The following A1CF variants were observed in gnomAD, a reference collection of about 807,000 sequenced individuals.
The protein encoded by A1CF is APOBEC-1 stimulating protein.
A1CF carries 48 observed loss-of-function variants against 68.9 expected under a neutral mutation model. The observed-to-expected ratio is 0.70, with a 90% CI of 0.55 to 0.89. A1CF has a LOEUF of 0.89. Among genes scored for constraint, A1CF ranks in the 40% least tolerant of loss-of-function variants. The probability of loss-of-function intolerance (pLI) is 0.00; values close to 1 mark genes in which losing one functional copy is unlikely to be tolerated. For missense variants in A1CF, 653 were observed against 718.9 expected (o/e 0.91, Z 1.05); for synonymous variants, 272 against 260.4 (o/e 1.04, Z -0.43).
chr10:50,879,031 C>T (rs1841651583), intron 1 of A1CF, among the ~76,000 whole-genome samples: 1 of 152,182 alleles, frequency 6.6e-6, no homozygotes, highest in South Asian at 2.1e-4. Flanking sequence ...TCCCACAGGG[C>T]TTTGCCAGGC....
intron 3 of A1CF, among the ~76,000 whole-genome samples, chr10:50,845,895 A>G (rs1029309860): frequency 2.6e-5 from 4 of 151,248 alleles, no homozygotes; most frequent in Non-Finnish European, 5.9e-5. Context: ...TAGAGGTTGC[A>G]GTGAACTGAG....
intron 3 of A1CF, among the ~76,000 whole-genome samples, chr10:50,848,151 G>A (rs1840083655): frequency 6.6e-6 from 1 of 151,972 alleles, no homozygotes. Flanking sequence ...AGGAATCCAA[G>A]GCATAAAATA....
chr10:50,807,812 T>C (rs190339484), intron 12 of A1CF, among the ~76,000 whole-genome samples: 11 of 152,342 alleles, frequency 7.2e-5, no homozygotes, highest in Non-Finnish European at 5.9e-5. Context: ...TTTTCATTGT[T>C]GTTTTAAACC....
At chr10:50,815,828 G>A (rs1467594367) in intron 9 of A1CF, among the ~76,000 whole-genome samples, 178 bp downstream of exon 9, 2 of 152,172 alleles carry the variant, frequency 1.3e-5, no homozygotes, top group Non-Finnish European at 2.9e-5. Context: ...TCAATAACCA[G>A]TTGTAATGTG....
In A1CF at chr10:50,872,946, CTTTTTTTTTT is replaced by C. The variant is rs34770362; in HGVS notation, c.-93-8876_-93-8867del. On this transcript the variant is annotated intron_variant, in intron 1 of 12. Coordinates refer to ENST00000373997, the MANE Select transcript of A1CF (RefSeq NM_014576.4). ...TACTTTTATTCTTATATTTAAGTTC[CTTTTTTTTTT>C]TTTTTTTTTTTTTTTTTGAGACAGA... Among the ~76,000 whole-genome samples, 38 of 67,308 alleles carry C rather than the reference CTTTTTTTTTT, an allele frequency of 5.6e-4. 1 individual carries two copies. The highest frequency in any genetic ancestry group is 3.4e-3 in the South Asian group (5 of 1,478). The allele number at this position is 67,308 out of a possible 152,430, so 44.2% of individuals were successfully genotyped here. A position where few individuals can be genotyped will look rare whatever the true frequency, so the allele number is the denominator to read the frequency against.
chr10:50,836,579 G>A (rs1291791158), intron 5 of A1CF, among the ~76,000 whole-genome samples: 2 of 151,876 alleles, frequency 1.3e-5, no homozygotes, highest in African/African-American at 2.4e-5. Flanking sequence ...TAGGGTACAT[G>A]TGCACAACAT....
chr10:50,882,256 T>C (rs1297170042), intron 1 of A1CF, among the ~76,000 whole-genome samples: 1 of 152,094 alleles, frequency 6.6e-6, no homozygotes, highest in Non-Finnish European at 1.5e-5. Context: ...GCCAACATAA[T>C]GAAACCCCGT....
chr10:50,829,058 G>A (rs1202624390), intron 6 of A1CF, among the ~76,000 whole-genome samples: 1 of 152,164 alleles, frequency 6.6e-6, no homozygotes, highest in Non-Finnish European at 1.5e-5. Context: ...TTTATTGAGT[G>A]TCTTGTACTG....
chr10:50,850,592 T>TTGTGTG (rs58342464), intron 3 of A1CF: 235 of 1,448,432 alleles, frequency 1.6e-4, no homozygotes, highest in Non-Finnish European at 2.1e-4. Context: ...CAAAAAGCAT[T>TTGTGTG]TGTGTGTGTG....
chr10:50,857,035 T>C (rs1262672229), intron 3 of A1CF, among the ~76,000 whole-genome samples: 1 of 152,142 alleles, frequency 6.6e-6, no homozygotes, highest in East Asian at 1.9e-4. Context: ...GGGTCTCTTT[T>C]CAAAAAAATT....
At chr10:50,839,209 T>C (rs1442430770) in intron 5 of A1CF, among the ~76,000 whole-genome samples, 1 of 152,188 alleles carries the variant, frequency 6.6e-6, no homozygotes, top group African/African-American at 2.4e-5. Context: ...TCCAAAAGTA[T>C]TTACAGGCCC....
Position 50,800,764 on chromosome 10 carries a change from T to G in A1CF, c.*5965A>C, listed in dbSNP as rs960122426. ...AAGGAAAATAATCTCTCAATGTTAT[T>G]TTCCATTAAAAATAATAAAACCTTT... On this transcript the variant is annotated 3_prime_UTR_variant, in exon 13 of 13. Transcript: ENST00000373997. 3 of 152,156 alleles carry G rather than the reference T, an allele frequency of 2.0e-5. No individual in the cohort carries two copies. Among genetic ancestry groups the G allele is most frequent in the Admixed American group, 6.5e-5 (1 of 15,270 alleles). 9.4% of individuals were successfully genotyped at this position (152,156 alleles called of 1,614,324 possible).
chr10:50,843,510 T>C (rs2132458859), intron 4 of A1CF, among the ~76,000 whole-genome samples: 1 of 152,342 alleles, frequency 6.6e-6, no homozygotes. Flanking sequence ...TTCTTAATCT[T>C]CTTGATGCAT....
intron 1 of A1CF, among the ~76,000 whole-genome samples, chr10:50,867,535 G>A (rs1309328964): frequency 2.0e-5 from 3 of 152,210 alleles, no homozygotes; most frequent in East Asian, 3.9e-4. Context: ...ATTTGGAAGG[G>A]TAATGAAGTG....
chr10:50,809,854 C>T (rs748480886), intron 12 of A1CF, 40 bp downstream of exon 12: 3 of 1,611,744 alleles, frequency 1.9e-6, no homozygotes, highest in Non-Finnish European at 2.5e-6. Context: ...TTCCCAAATA[C>T]TCTCTGCAGG....
intron 1 of A1CF, among the ~76,000 whole-genome samples, chr10:50,865,509 G>C (rs909456069): frequency 3.3e-5 from 5 of 152,020 alleles, no homozygotes; most frequent in African/African-American, 9.7e-5. Context: ...CTAACTCCAA[G>C]AGGCAGAATT....
intron 7 of A1CF, among the ~76,000 whole-genome samples, chr10:50,826,544 A>G (rs1003142793): frequency 1.3e-5 from 2 of 152,122 alleles, no homozygotes; most frequent in Non-Finnish European, 2.9e-5. Context: ...CTTCATAAGC[A>G]AAGGAGAAAT....
At chr10:50,840,922 C>T (rs1839745480) in intron 5 of A1CF, among the ~76,000 whole-genome samples, 1 of 152,212 alleles carries the variant, frequency 6.6e-6, no homozygotes, top group Non-Finnish European at 1.5e-5. Context: ...AATTCTCTCT[C>T]AGTCTAAATC....
intron 7 of A1CF, among the ~76,000 whole-genome samples, chr10:50,822,168 G>A (rs1838708542): frequency 6.6e-6 from 1 of 152,066 alleles, no homozygotes; most frequent in South Asian, 2.1e-4. Context: ...GAACATGATG[G>A]CAACATATAA....
Sources: allele counts gnomAD v4.1 joint callset (sites outside exome capture counted in the v4.1 genomes callset), GRCh38; gene constraint gnomAD v4.1.1; transcripts MANE v1.5; gene names NCBI Gene and HGNC (gene_info 2026-07-23, HGNC 2026-07-21).